PDE7B: variants seen among roughly 807,000 people sequenced by gnomAD.
The protein encoded by PDE7B is 3',5'-cyclic-AMP phosphodiesterase 7B.
A neutral mutation model predicts 56.2 loss-of-function variants in PDE7B; 29 were observed. The ratio of observed to expected loss-of-function variants is 0.52; its 90% CI spans 0.38 to 0.70. The LOEUF (loss-of-function observed/expected upper bound fraction) is 0.70. Among genes scored for constraint, PDE7B ranks in the 30% least tolerant of loss-of-function variants. The pLI, the probability that PDE7B is intolerant of heterozygous loss-of-function variation, is 0.00. For missense variants in PDE7B, 490 were observed against 565.0 expected, an observed-to-expected ratio of 0.87 and a Z score of 1.35; for synonymous variants, 197 against 196.9, an observed-to-expected ratio of 1.00 and a Z score of 0.00.
At chr6:136,004,048 A>C (rs1206847802) in intron 2 of PDE7B, among the ~76,000 whole-genome samples, 1 of 152,148 alleles carries the variant, frequency 6.6e-6, no homozygotes, top group Non-Finnish European at 1.5e-5. Context: ...CTGGTTCAAT[A>C]TACACAAATC....
At chr6:136,161,181 A>G (rs1778697431) in intron 8 of PDE7B, among the ~76,000 whole-genome samples, 1 of 152,148 alleles carries the variant, frequency 6.6e-6, no homozygotes, top group Admixed American at 6.6e-5. Flanking sequence ...AAATTTGGAC[A>G]TATTTCCCTC....
chr6:136,131,741 C>T (rs781186585), intron 3 of PDE7B, among the ~76,000 whole-genome samples: 2 of 152,046 alleles, frequency 1.3e-5, no homozygotes, highest in Non-Finnish European at 2.9e-5. Context: ...ATTATTTATT[C>T]CTTAATACTT....
At chr6:136,075,045 A>G (rs913961488) in intron 2 of PDE7B, among the ~76,000 whole-genome samples, 1 of 152,216 alleles carries the variant, frequency 6.6e-6, no homozygotes, top group African/African-American at 2.4e-5. Flanking sequence ...CTAGTAAGGA[A>G]AAACTTCTGA....
chr6:135,871,800 T>C (rs976987669), intron 1 of PDE7B, among the ~76,000 whole-genome samples: 2 of 149,934 alleles, frequency 1.3e-5, no homozygotes, highest in Admixed American at 1.3e-4. Flanking sequence ...CACACACATA[T>C]AATATACACA....
At chr6:135,903,323 A>G (rs1457389721) in intron 1 of PDE7B, among the ~76,000 whole-genome samples, 2 of 152,174 alleles carry the variant, frequency 1.3e-5, no homozygotes, top group Non-Finnish European at 2.9e-5. Context: ...TCACTTGCTA[A>G]AGATTGCACA....
chr6:136,074,086 C>T (rs544291068), intron 2 of PDE7B, among the ~76,000 whole-genome samples: 15 of 151,954 alleles, frequency 9.9e-5, no homozygotes, highest in East Asian at 1.9e-4. Context: ...GAACTGGGCA[C>T]GGTGGCACAC....
rs555721548 is a variant in PDE7B, at chr6:136,104,743, T to TAGCA, written c.83-3987_83-3984dup. Among the ~76,000 whole-genome samples, 48 of 152,368 alleles carry TAGCA rather than the reference T, an allele frequency of 3.2e-4. No individual in the cohort carries two copies. In the South Asian group the frequency reaches 9.1e-3, roughly 29 times the overall value. ...TTGTGAAATTTCTCAGATGCATTGT[T>TAGCA]AGCATACTTACAATTGTCCTGCCTC... is the stretch of plus-strand genomic sequence containing the variant. On this transcript the variant is annotated intron_variant, in intron 2 of 12. Transcript: ENST00000308191.
intron 2 of PDE7B, among the ~76,000 whole-genome samples, chr6:136,017,897 T>A (rs189558052): frequency 6.6e-6 from 1 of 152,176 alleles, no homozygotes; most frequent in Admixed American, 6.5e-5. Context: ...CTTCTGGAAA[T>A]ACACAAACAT....
In PDE7B at chr6:135,956,971, G is replaced by A. The variant is rs138142380; in HGVS notation, c.82+9447G>A. 6.1e-4 allele frequency among the ~76,000 whole-genome samples: 93 copies of A among 152,248 alleles called. 1 individual carries two copies. Among genetic ancestry groups the A allele is most frequent in the African/African-American group, 2.1e-3 (87 of 41,552 alleles). On this transcript the variant is annotated intron_variant, in intron 2 of 12. Coordinates refer to ENST00000308191, the MANE Select transcript of PDE7B (RefSeq NM_018945.4). ...ATGACAGTACCTCTCAAAGTCTGCC[G>A]TCAGGAAGGGTTTCTTAGGATAGGA... is the stretch of plus-strand genomic sequence containing the variant.
intron 2 of PDE7B, among the ~76,000 whole-genome samples, chr6:136,056,795 G>A (rs758135968): frequency 1.1e-4 from 16 of 152,000 alleles, no homozygotes; most frequent in Non-Finnish European, 2.4e-4. Flanking sequence ...GCCTCCCAAA[G>A]TGCTGGGATT....
At chr6:136,191,128 T>C (rs1779217786) in intron 12 of PDE7B, among the ~76,000 whole-genome samples, 1 of 151,248 alleles carries the variant, frequency 6.6e-6, no homozygotes, top group African/African-American at 2.4e-5. Context: ...TGTACATACA[T>C]TAAGTCATTT....
intron 2 of PDE7B, among the ~76,000 whole-genome samples, chr6:135,950,040 G>T (rs746797805): frequency 2.0e-5 from 3 of 152,024 alleles, no homozygotes; most frequent in Non-Finnish European, 4.4e-5. Flanking sequence ...AATCATTATG[G>T]ATATCAATAC....
At chr6:135,928,453 T>TA (rs1774229441) in intron 1 of PDE7B, among the ~76,000 whole-genome samples, 2 of 105,264 alleles carry the variant, frequency 1.9e-5, no homozygotes, top group African/African-American at 7.1e-5. Context: ...ATATATTTAT[T>TA]TATATATATA....
Position 136,151,205 on chromosome 6 carries a change from G to A in PDE7B, c.428G>A (p.Gly143Glu), listed in dbSNP as rs1340424452. 3.1e-6 allele frequency: 5 copies of A among 1,612,276 alleles called. No homozygotes were observed. The South Asian group carries it at 4.4e-5, about 14-fold the overall frequency. Residue 143 changes from glycine to glutamate, a missense_variant, in exon 6 of 13, where the codon GGA becomes GAA. Transcript: ENST00000308191. ...TLLCHLFNTH[G>E]LIHHFKLDMV... ...TTGTGCCACCTCTTCAATACCCATGGACTCATTCACCATTTCAAGTTAGAT... is the reference window on the plus strand; with the variant it reads ...TTGTGCCACCTCTTCAATACCCATGAACTCATTCACCATTTCAAGTTAGAT...
intron 2 of PDE7B, among the ~76,000 whole-genome samples, chr6:135,989,636 A>AATG (rs1775446360): frequency 6.6e-6 from 1 of 151,648 alleles, no homozygotes; most frequent in African/African-American, 2.4e-5. Context: ...TAATAATAAT[A>AATG]ATAAATTTAT....
chr6:136,000,771 G>A (rs902841704), intron 2 of PDE7B, among the ~76,000 whole-genome samples: 3 of 152,182 alleles, frequency 2.0e-5, no homozygotes, highest in African/African-American at 7.2e-5. Context: ...TGGGGGCAGG[G>A]CACAGACAAA....
At chr6:136,091,805 G>T (rs1346334018) in intron 2 of PDE7B, among the ~76,000 whole-genome samples, 1 of 151,586 alleles carries the variant, frequency 6.6e-6, no homozygotes, top group African/African-American at 2.4e-5. Flanking sequence ...AGCCAAGACT[G>T]GGAATCAAAT....
intron 3 of PDE7B, among the ~76,000 whole-genome samples, chr6:136,129,549 C>T (rs1437418505): frequency 6.6e-6 from 1 of 152,170 alleles, no homozygotes; most frequent in Non-Finnish European, 1.5e-5. Context: ...TATGGAAGGA[C>T]AGGAGTGAGC....
chr6:136,184,091 CAACAA>C (rs1779110013), intron 11 of PDE7B, among the ~76,000 whole-genome samples: 1 of 152,166 alleles, frequency 6.6e-6, no homozygotes. Context: ...GTCTAATCCT[CAACAA>C]AACTGATTAT....
Sources: gnomAD v4.1 joint callset for allele counts (sites outside exome capture counted in the v4.1 genomes callset) on GRCh38, gnomAD v4.1.1 for gene constraint, MANE v1.5 for transcripts, NCBI Gene and HGNC (gene_info 2026-07-23, HGNC 2026-07-21) for gene names.